The following THSD4 variants were observed in gnomAD, a reference collection of about 807,000 sequenced individuals.
THSD4 encodes the protein thrombospondin type-1 domain-containing protein 4.
Under a neutral mutation model 119.0 loss-of-function variants are expected in THSD4, and 69 were observed. The ratio of observed to expected loss-of-function variants is 0.58; its 90% confidence interval spans 0.48 to 0.71. THSD4 has a LOEUF of 0.71. Among genes scored for constraint, THSD4 ranks in the 30% least tolerant of loss-of-function variants. The pLI, the probability that THSD4 is intolerant of heterozygous loss-of-function variation, is 0.00. For missense variants in THSD4, 1,393 were observed against 1,391.1 expected (o/e 1.00, Z -0.02); for synonymous variants, 524 against 540.4 (o/e 0.97, Z 0.42).
intron 5 of THSD4, among the ~76,000 whole-genome samples, chr15:71,254,865 G>T (rs763905143): frequency 1.3e-5 from 2 of 152,100 alleles, no homozygotes; most frequent in Non-Finnish European, 2.9e-5. Flanking sequence ...CACCCTGCTT[G>T]TTCACCCTGC....
chr15:71,671,697 C>T (rs920147971), intron 8 of THSD4, among the ~76,000 whole-genome samples: 1 of 152,202 alleles, frequency 6.6e-6, no homozygotes, highest in Admixed American at 6.5e-5. Flanking sequence ...CAGCTTTCTA[C>T]ATATGGCTAG....
intron 7 of THSD4, among the ~76,000 whole-genome samples, chr15:71,535,221 A>G (rs2048672756): frequency 6.6e-6 from 1 of 152,224 alleles, no homozygotes; most frequent in South Asian, 2.1e-4. Context: ...ATATAAATGG[A>G]ATCATTTAAC....
intron 7 of THSD4, among the ~76,000 whole-genome samples, chr15:71,523,938 A>T (rs970652358): frequency 3.9e-5 from 6 of 152,212 alleles, no homozygotes; most frequent in Non-Finnish European, 8.8e-5. Context: ...AGCATTGAAC[A>T]GGTGTCTATC....
intron 5 of THSD4, among the ~76,000 whole-genome samples, chr15:71,249,834 T>A (rs1168804036): frequency 1.3e-5 from 2 of 152,174 alleles, no homozygotes; most frequent in African/African-American, 4.8e-5. Flanking sequence ...TCTTGATATA[T>A]CAACTTAAAT....
At chr15:71,452,850 G>A (rs1264663152) in intron 7 of THSD4, among the ~76,000 whole-genome samples, 1 of 152,120 alleles carries the variant, frequency 6.6e-6, no homozygotes, top group Non-Finnish European at 1.5e-5. Context: ...CCTGATCTCA[G>A]GTGATCTGCC....
upstream of THSD4, among the ~76,000 whole-genome samples, chr15:71,114,513 T>C (rs552106023): frequency 1.6e-4 from 24 of 152,256 alleles, no homozygotes; most frequent in South Asian, 5.0e-3. Flanking sequence ...AAGAGACAGT[T>C]CCTCACAGTC....
chr15:71,380,147 G>A (rs998931603), intron 6 of THSD4, among the ~76,000 whole-genome samples: 5 of 152,110 alleles, frequency 3.3e-5, no homozygotes, highest in African/African-American at 1.2e-4. Flanking sequence ...TAAGTTGGTT[G>A]CAGTTATGTA....
At chr15:71,344,193 C>G (rs982770611) in intron 6 of THSD4, among the ~76,000 whole-genome samples, 1 of 151,990 alleles carries the variant, frequency 6.6e-6, no homozygotes, top group African/African-American at 2.4e-5. Flanking sequence ...TGCCCGCCAC[C>G]ACGCCCGACT....
At chr15:71,647,953 G>A (rs1410225312) in intron 7 of THSD4, among the ~76,000 whole-genome samples, 1 of 152,182 alleles carries the variant, frequency 6.6e-6, no homozygotes, top group African/African-American at 2.4e-5. Context: ...AAGCCCGAGA[G>A]CAGCCTGAGA....
chr15:71,372,899 C>A (rs1316854803), intron 6 of THSD4, among the ~76,000 whole-genome samples: 2 of 152,244 alleles, frequency 1.3e-5, no homozygotes, highest in African/African-American at 4.8e-5. Flanking sequence ...GGCAGGCAGG[C>A]CTCCTTGAGC....
At chr15:71,257,290 T>G (rs2044329665) in intron 6 of THSD4, among the ~76,000 whole-genome samples, 1 of 152,204 alleles carries the variant, frequency 6.6e-6, no homozygotes, top group South Asian at 2.1e-4. Context: ...CACTTTTCTT[T>G]GTTGAAATCC....
chr15:71,686,894 G>A (rs2051922821), intron 8 of THSD4, among the ~76,000 whole-genome samples: 1 of 152,146 alleles, frequency 6.6e-6, no homozygotes, highest in African/African-American at 2.4e-5. Flanking sequence ...CTCAGAGACT[G>A]TGTTTTGGTG....
intron 7 of THSD4, among the ~76,000 whole-genome samples, chr15:71,514,311 G>A (rs560731368): frequency 6.0e-4 from 91 of 152,290 alleles, no homozygotes; most frequent in Admixed American, 3.1e-3. Context: ...CCCTTCCATC[G>A]TGGCCACCTG....
At chr15:71,228,630 A>G (rs2044036869) in intron 4 of THSD4, among the ~76,000 whole-genome samples, 1 of 152,184 alleles carries the variant, frequency 6.6e-6, no homozygotes, top group South Asian at 2.1e-4. Context: ...CAACAATGTG[A>G]TGAGCTCTGG....
intron 1 of THSD4, among the ~76,000 whole-genome samples, chr15:71,140,704 T>C (rs890133523): frequency 6.6e-5 from 10 of 152,232 alleles, no homozygotes; most frequent in Non-Finnish European, 1.5e-4. Context: ...ATAAGTTTTA[T>C]TGAGATATAA....
At chr15:71,680,295 C>T (rs977316596) in intron 8 of THSD4, among the ~76,000 whole-genome samples, 5 of 152,166 alleles carry the variant, frequency 3.3e-5, no homozygotes, top group Admixed American at 6.5e-5. Flanking sequence ...TTCTCCCATA[C>T]AAAGGTCCCA....
At chr15:71,743,280 A>G (rs1394076314) in intron 11 of THSD4, among the ~76,000 whole-genome samples, 1 of 152,184 alleles carries the variant, frequency 6.6e-6, no homozygotes, top group East Asian at 1.9e-4. Flanking sequence ...TGATTAAAAA[A>G]ATTTGATTTC....
chr15:71,370,965 G>C (rs942189302), intron 6 of THSD4, among the ~76,000 whole-genome samples: 8 of 152,186 alleles, frequency 5.3e-5, no homozygotes, highest in East Asian at 1.9e-4. Context: ...GGTTGCTCCT[G>C]TATTGGGTGC....
intron 6 of THSD4, chr15:71,342,547 C>T (rs2045596184): frequency 6.5e-6 from 1 of 152,794 alleles, no homozygotes; most frequent in Non-Finnish European, 1.5e-5. Context: ...TTCCCCCTGC[C>T]CACCCCCAAC....
Sources: gnomAD v4.1 joint callset for allele counts (sites outside exome capture counted in the v4.1 genomes callset) on GRCh38, gnomAD v4.1.1 for gene constraint, MANE v1.5 for transcripts, NCBI Gene and HGNC (gene_info 2026-07-23, HGNC 2026-07-21) for gene names.